Variants in LDLRAD4 observed in about 807,000 individuals in gnomAD.
LDLRAD4 encodes the protein low density lipoprotein receptor class A domain containing 4.
Under a neutral mutation model 17.0 loss-of-function variants are expected in LDLRAD4, and 5 were observed. The observed-to-expected ratio is 0.29, with a 90% CI of 0.15 to 0.62. The LOEUF (loss-of-function observed/expected upper bound fraction) is 0.62, where lower values mean the gene tolerates loss of function less well. LDLRAD4 is among the 20% of genes least tolerant of loss of function. The probability of loss-of-function intolerance (pLI) is 0.84; values close to 1 mark genes in which losing one functional copy is unlikely to be tolerated. For missense variants in LDLRAD4, 340 were observed against 424.7 expected, an observed-to-expected ratio of 0.80 and a Z score of 1.75; for synonymous variants, 168 against 171.8, an observed-to-expected ratio of 0.98 and a Z score of 0.17.
intron 1 of LDLRAD4, among the ~76,000 whole-genome samples, chr18:13,290,300 A>G (rs539680708): frequency 2.6e-5 from 4 of 152,348 alleles, no homozygotes; most frequent in South Asian, 4.1e-4. Flanking sequence ...AACCTTTTAC[A>G]TACCTAAAAT....
chr18:13,439,216 T>C (rs1600274755), intron 3 of LDLRAD4, among the ~76,000 whole-genome samples: 1 of 152,160 alleles, frequency 6.6e-6, no homozygotes, highest in East Asian at 1.9e-4. Context: ...TTGAGACAGA[T>C]TTTAAAATTT....
chr18:13,643,639 T>TAG (rs2148997044), intron 5 of LDLRAD4, among the ~76,000 whole-genome samples: 1 of 152,366 alleles, frequency 6.6e-6, no homozygotes, highest in African/African-American at 2.4e-5. Flanking sequence ...CAAAAACAAT[T>TAG]TGAGAATCAC....
intron 2 of LDLRAD4, among the ~76,000 whole-genome samples, chr18:13,401,999 C>T (rs544137120): frequency 2.6e-5 from 4 of 152,330 alleles, no homozygotes; most frequent in East Asian, 1.9e-4. Context: ...GATGAAACAG[C>T]GCAGAGAATC....
Position 13,645,767 on chromosome 18 carries a change from A to C in LDLRAD4, c.*110A>C. 1 of 749,652 alleles carries C rather than the reference A, an allele frequency of 1.3e-6. No individual in the cohort carries two copies. Among genetic ancestry groups the C allele is most frequent in the African/African-American group, 1.8e-5 (1 of 56,224 alleles). 46.4% of individuals were successfully genotyped at this position (749,652 alleles called of 1,614,324 possible). ...GTTTCACATGGTACAAATAAGTAAA[A>C]CCAAATGAGCAAACACGGTCTTTGT... is the stretch of plus-strand genomic sequence containing the variant. On this transcript the variant is annotated 3_prime_UTR_variant, in exon 6 of 6. Coordinates refer to ENST00000359446, the Ensembl canonical transcript of LDLRAD4. The surrounding 1 kb of genome is among the most constrained non-coding windows in gnomAD (Gnocchi z 5.7).
At chr18:13,274,815 C>A (rs2044763242), upstream of LDLRAD4, among the ~76,000 whole-genome samples, 1 of 152,110 alleles carries the variant, frequency 6.6e-6, no homozygotes, top group South Asian at 2.1e-4. Context: ...TTATTATTTT[C>A]AACAGAGCTT....
At chr18:13,311,541 T>A (rs938487931) in intron 1 of LDLRAD4, among the ~76,000 whole-genome samples, 3 of 152,180 alleles carry the variant, frequency 2.0e-5, no homozygotes, top group African/African-American at 7.2e-5. Flanking sequence ...CCGGCCACAC[T>A]GGGCAATGTT....
At position 13,622,955 on chromosome 18, in the gene LDLRAD4, A is replaced by C. The variant is rs1436120704; in HGVS notation, c.336+1684A>C. Among the ~76,000 whole-genome samples, 3 of 152,106 alleles carry C rather than the reference A, an allele frequency of 2.0e-5. No homozygotes were observed. Among genetic ancestry groups the C allele is most frequent in the Admixed American group, 2.0e-4 (3 of 15,284 alleles). ...TCTGTCCCCTGCCTGGGCGCTCCCC[A>C]GTCTTCCTCCCAGACTTGCCCTGGT... On this transcript the variant is annotated intron_variant, in intron 4 of 5. Coordinates refer to ENST00000359446, the Ensembl canonical transcript of LDLRAD4. The surrounding 1 kb of genome is among the most constrained non-coding windows in gnomAD (Gnocchi z 5.3).
rs1401399858 is a variant in LDLRAD4 at position 13,398,979 on chromosome 18, C to T, written c.40+11217C>T. ...CGGGGCTGGGAGCAGTGGCTCACAC[C>T]TATAACCCCAGCACTTTGGGCGGCC... On this transcript the variant is annotated intron_variant, in intron 2 of 5. Transcript: ENST00000359446. This position sits in a 1 kb window ranked among gnomAD's most constrained non-coding sequence, Gnocchi z 4.8. Among the ~76,000 whole-genome samples, 1 of 152,170 alleles carries T rather than the reference C, an allele frequency of 6.6e-6. No individual in the cohort carries two copies. The highest frequency in any genetic ancestry group is 1.5e-5 in the Non-Finnish European group (1 of 68,042).
At chr18:13,316,851 T>C (rs1460148916) in intron 1 of LDLRAD4, among the ~76,000 whole-genome samples, 1 of 152,012 alleles carries the variant, frequency 6.6e-6, no homozygotes, top group Non-Finnish European at 1.5e-5. Flanking sequence ...CAAAAGAAAG[T>C]AAGAAGGGAG....
intron 3 of LDLRAD4, among the ~76,000 whole-genome samples, chr18:13,539,637 T>C (rs982006448): frequency 1.3e-5 from 2 of 152,142 alleles, no homozygotes; most frequent in African/African-American, 4.8e-5. Context: ...TTTGCCCAAA[T>C]GGGAGAAGCA....
intron 1 of LDLRAD4, among the ~76,000 whole-genome samples, chr18:13,282,463 G>T (rs2045338936): frequency 6.6e-6 from 1 of 152,188 alleles, no homozygotes; most frequent in Admixed American, 6.5e-5. Context: ...TTACAAATGG[G>T]AGAAATTGGC....
intron 4 of LDLRAD4, among the ~76,000 whole-genome samples, chr18:13,629,961 G>A (rs1309016651): frequency 6.6e-6 from 1 of 152,168 alleles, no homozygotes; most frequent in East Asian, 1.9e-4. Flanking sequence ...GTGAGACGAG[G>A]CAACTGGTGC....
chr18:13,627,840 G>A (rs1365532578), intron 4 of LDLRAD4, among the ~76,000 whole-genome samples: 2 of 152,230 alleles, frequency 1.3e-5, no homozygotes, highest in African/African-American at 2.4e-5. Flanking sequence ...TGGGAGCAGC[G>A]GTGGCCAGAG....
At chr18:13,392,123 C>A (rs1337421545) in intron 2 of LDLRAD4, among the ~76,000 whole-genome samples, 7 of 152,208 alleles carry the variant, frequency 4.6e-5, no homozygotes, top group Admixed American at 4.6e-4. Flanking sequence ...ATTGATTGAT[C>A]CTAACTTTTG....
At chr18:13,636,479 A>G (rs1373565219) in intron 4 of LDLRAD4, among the ~76,000 whole-genome samples, 1 of 151,272 alleles carries the variant, frequency 6.6e-6, no homozygotes, top group Non-Finnish European at 1.5e-5. Flanking sequence ...TGAATGTTAT[A>G]AAGTTGTTTT....
At chr18:13,602,491 TA>T (rs1206263500) in intron 3 of LDLRAD4, among the ~76,000 whole-genome samples, 13 of 131,894 alleles carry the variant, frequency 9.9e-5, no homozygotes, top group African/African-American at 3.5e-4. Flanking sequence ...CCATGGCATT[TA>T]ATTTTTTTTT....
chr18:13,227,162 T>C (rs2041853957), intron 1 of LDLRAD4, among the ~76,000 whole-genome samples: 1 of 152,240 alleles, frequency 6.6e-6, no homozygotes, highest in African/African-American at 2.4e-5. Flanking sequence ...TAAAGTTTTC[T>C]GCTTTCCTCC....
intron 1 of LDLRAD4, among the ~76,000 whole-genome samples, chr18:13,363,331 C>CAAA (rs5742236): frequency 2.3e-5 from 2 of 86,942 alleles, no homozygotes; most frequent in Non-Finnish European, 4.7e-5. Context: ...GACTCCGTCT[C>CAAA]AAAAAAAAAA....
intron 3 of LDLRAD4, among the ~76,000 whole-genome samples, chr18:13,597,153 T>C (rs2095105654): frequency 6.6e-6 from 1 of 152,208 alleles, no homozygotes; most frequent in Middle Eastern, 3.2e-3. Context: ...CTTTATTTAG[T>C]CTTAACTTCT....
Sources: allele counts gnomAD v4.1 joint callset (sites outside exome capture counted in the v4.1 genomes callset), GRCh38; gene constraint gnomAD v4.1.1; non-coding constraint Gnocchi (gnomAD v3.1); transcripts MANE v1.5; gene names NCBI Gene and HGNC (gene_info 2026-07-23, HGNC 2026-07-21).